Variants in CSMD1 observed in about 807,000 individuals in gnomAD.
The protein encoded by CSMD1 is CUB and sushi domain-containing protein 1.
A neutral mutation model predicts 417.5 loss-of-function variants in CSMD1; 213 were observed. The observed-to-expected ratio is 0.51, with a 90% confidence interval of 0.46 to 0.57. The LOEUF is 0.57. Ranked by LOEUF, CSMD1 falls within the 20% of genes least tolerant of loss-of-function variation. CSMD1 has a pLI of 0.00. For synonymous variants in CSMD1, 2,862 were observed against 1,736.8 expected (o/e 1.65, Z -16.11); for missense variants, 6,923 against 4,529.7 (o/e 1.53, Z -15.17).
intron 1 of CSMD1, among the ~76,000 whole-genome samples, chr8:4,795,623 C>G (rs1797938075): frequency 6.6e-6 from 1 of 152,028 alleles, no homozygotes; most frequent in Admixed American, 6.6e-5. Flanking sequence ...ACAACACACA[C>G]TTGTTCCTCA....
chr8:3,714,176 A>G (rs1201316523), intron 6 of CSMD1, among the ~76,000 whole-genome samples: 1 of 150,376 alleles, frequency 6.6e-6, no homozygotes, highest in Non-Finnish European at 1.5e-5. Flanking sequence ...TACATATTAT[A>G]TATGTATATA....
intron 12 of CSMD1, among the ~76,000 whole-genome samples, chr8:3,411,711 T>TGTATATATACATATATATAC (rs1812721621): frequency 2.3e-5 from 3 of 130,084 alleles, no homozygotes; most frequent in African/African-American, 8.3e-5. Flanking sequence ...TATATACACG[T>TGTATATATACATATATATAC]ATATATACAC....
intron 2 of CSMD1, among the ~76,000 whole-genome samples, chr8:4,530,235 A>G (rs1355671685): frequency 6.7e-6 from 1 of 148,484 alleles, no homozygotes; most frequent in East Asian, 2.0e-4. Flanking sequence ...TTGTGACTGC[A>G]TACCATGCTC....
intron 7 of CSMD1, among the ~76,000 whole-genome samples, chr8:3,655,068 A>T (rs1175219070): frequency 6.6e-6 from 1 of 152,192 alleles, no homozygotes; most frequent in African/African-American, 2.4e-5. Context: ...TAATTTAAAG[A>T]ATGTTTTTTA....
intron 1 of CSMD1, among the ~76,000 whole-genome samples, chr8:4,661,128 A>G (rs2130920538): frequency 6.6e-6 from 1 of 152,342 alleles, no homozygotes; most frequent in East Asian, 1.9e-4. Flanking sequence ...CATTTATCCT[A>G]GAAATGTGAC....
intron 7 of CSMD1, among the ~76,000 whole-genome samples, chr8:3,677,903 C>T (rs1283976114): frequency 6.6e-6 from 1 of 152,132 alleles, no homozygotes; most frequent in Non-Finnish European, 1.5e-5. Context: ...AAACACCTCC[C>T]ACTAATAGAG....
intron 6 of CSMD1, among the ~76,000 whole-genome samples, chr8:3,716,933 C>T (rs193130254): frequency 6.1e-4 from 93 of 152,056 alleles, no homozygotes; most frequent in Non-Finnish European, 4.0e-4. Context: ...TTTAATTCCA[C>T]CAAAATGTTA....
intron 23 of CSMD1, among the ~76,000 whole-genome samples, chr8:3,336,232 A>T (rs1396892784): frequency 1.3e-5 from 2 of 152,122 alleles, no homozygotes; most frequent in African/African-American, 4.8e-5. Context: ...TGTGAGTTAC[A>T]ATACATGCTA....
In CSMD1 at chr8:4,098,977, G is replaced by C. The variant is rs373576110; in HGVS notation, c.416-66878C>G. On this transcript the variant is annotated intron_variant, in intron 3 of 69. Coordinates refer to ENST00000635120, the MANE Select transcript of CSMD1 (RefSeq NM_033225.6). ...TGTTTTACAATTTTCAAAGAGGTAA[G>C]AATACACATGAACTCTCTTAGACTC... Among the ~76,000 whole-genome samples the C allele has an allele frequency of 5.3e-5, 8 of 152,254 alleles. No homozygotes were observed. In the East Asian group the frequency reaches 1.5e-3, roughly 29 times the overall value.
intron 4 of CSMD1, among the ~76,000 whole-genome samples, chr8:4,012,364 CA>C (rs1169786260): frequency 6.6e-6 from 1 of 152,152 alleles, no homozygotes; most frequent in Non-Finnish European, 1.5e-5. Context: ...TTCCTAAATA[CA>C]TTCATTCATT....
At chr8:3,560,353 A>G (rs1250238437) in intron 10 of CSMD1, among the ~76,000 whole-genome samples, 2 of 152,162 alleles carry the variant, frequency 1.3e-5, no homozygotes, top group Admixed American at 1.3e-4. Flanking sequence ...TATCATCACC[A>G]CAGTTATATG....
At chr8:3,537,321 T>C (rs1329904696) in intron 10 of CSMD1, among the ~76,000 whole-genome samples, 1 of 152,236 alleles carries the variant, frequency 6.6e-6, no homozygotes, top group Admixed American at 6.5e-5. Flanking sequence ...CTTGCTTATA[T>C]GACTCATATT....
At chr8:4,465,720 T>C (rs1338784847) in intron 2 of CSMD1, among the ~76,000 whole-genome samples, 6 of 152,200 alleles carry the variant, frequency 3.9e-5, no homozygotes, top group South Asian at 2.1e-4. Flanking sequence ...TAGGAAAGGA[T>C]GCTGGTGTTT....
chr8:3,240,428 AGTT>A (rs35408841), intron 26 of CSMD1, among the ~76,000 whole-genome samples: 97,970 of 150,632 alleles, frequency 0.65, 32,428 homozygotes, highest in South Asian at 0.79. Context: ...GAAGGAAAGG[AGTT>A]GTTGTTTTAT....
At chr8:4,618,928 C>A (rs532042167) in intron 2 of CSMD1, among the ~76,000 whole-genome samples, 2 of 152,048 alleles carry the variant, frequency 1.3e-5, no homozygotes, top group Non-Finnish European at 2.9e-5. Flanking sequence ...ACAAAAGAAA[C>A]CACAATAACA....
intron 3 of CSMD1, among the ~76,000 whole-genome samples, chr8:4,361,554 T>C (rs1004421373): frequency 6.6e-5 from 10 of 152,174 alleles, no homozygotes; most frequent in African/African-American, 2.2e-4. Flanking sequence ...AGTTAAAAAG[T>C]CGTAGAGTTC....
chr8:4,085,110 G>T (rs922874568), intron 3 of CSMD1, among the ~76,000 whole-genome samples: 1 of 152,186 alleles, frequency 6.6e-6, no homozygotes, highest in Non-Finnish European at 1.5e-5. Context: ...GGTCCAACCA[G>T]TTGGACAACC....
intron 2 of CSMD1, among the ~76,000 whole-genome samples, chr8:4,433,724 T>C (rs918487773): frequency 5.3e-5 from 8 of 152,200 alleles, no homozygotes; most frequent in Admixed American, 1.3e-4. Flanking sequence ...CATCTTTTGA[T>C]TGAAAAATAA....
intron 26 of CSMD1, among the ~76,000 whole-genome samples, chr8:3,255,555 G>A (rs1800588927): frequency 6.6e-6 from 1 of 152,192 alleles, no homozygotes; most frequent in Non-Finnish European, 1.5e-5. Flanking sequence ...ACCTACTCAA[G>A]CCTGTGCAAT....
Sources: gnomAD v4.1 joint callset for allele counts (sites outside exome capture counted in the v4.1 genomes callset) on GRCh38, gnomAD v4.1.1 for gene constraint, MANE v1.5 for transcripts, NCBI Gene and HGNC (gene_info 2026-07-23, HGNC 2026-07-21) for gene names.